RBFOX2: variants seen among roughly 807,000 people sequenced by gnomAD.
RBFOX2 encodes RNA binding fox-1 homolog 2.
A neutral mutation model predicts 49.1 loss-of-function variants in RBFOX2; 10 were observed. The ratio of observed to expected loss-of-function variants is 0.20; its 90% confidence interval spans 0.13 to 0.35. The LOEUF (loss-of-function observed/expected upper bound fraction) is 0.35. Among genes scored for constraint, RBFOX2 ranks in the 10% least tolerant of loss-of-function variants. The pLI, the probability that RBFOX2 is intolerant of heterozygous loss-of-function variation, is 1.00. For missense variants in RBFOX2, 323 were observed against 486.9 expected, an observed-to-expected ratio of 0.66 and a Z score of 3.17; for synonymous variants, 183 against 187.4, an observed-to-expected ratio of 0.98 and a Z score of 0.19.
intron 1 of RBFOX2, among the ~76,000 whole-genome samples, chr22:36,025,980 G>C (rs915453870): frequency 1.3e-5 from 2 of 151,668 alleles, no homozygotes; most frequent in African/African-American, 4.9e-5. Context: ...GGAATGTATA[G>C]AAGGCCGGGT....
At chr22:35,965,481 A>C (rs2056505320), upstream of RBFOX2, among the ~76,000 whole-genome samples, 2 of 152,166 alleles carry the variant, frequency 1.3e-5, no homozygotes, top group South Asian at 2.1e-4. Flanking sequence ...AATGAGGTAC[A>C]TCCTTCTGAA....
chr22:35,980,560 T>C (rs2057405256), intron 1 of RBFOX2, among the ~76,000 whole-genome samples: 1 of 139,178 alleles, frequency 7.2e-6, no homozygotes, highest in Non-Finnish European at 1.5e-5. Context: ...GCCAAATTTA[T>C]CCCCAAAGTA....
At chr22:35,809,648 G>A in intron 2 of RBFOX2, 132 bp downstream of exon 3, 1 of 999,248 alleles carries the variant, frequency 1.0e-6, no homozygotes, top group Non-Finnish European at 1.5e-6. Context: ...CAATGCTGTT[G>A]AGAGAAGGTG....
intron 1 of RBFOX2, among the ~76,000 whole-genome samples, chr22:35,866,786 A>G (rs558172871): frequency 6.6e-6 from 1 of 152,334 alleles, no homozygotes; most frequent in East Asian, 1.9e-4. Flanking sequence ...GAAAACATGC[A>G]GGCTGCCTTA....
At chr22:35,953,323 T>C (rs774695110) in intron 1 of RBFOX2, among the ~76,000 whole-genome samples, 12 of 149,410 alleles carry the variant, frequency 8.0e-5, no homozygotes, top group African/African-American at 1.2e-4. Context: ...CATTCAGTTA[T>C]AAAAAGGAAA....
chr22:35,804,518 C>G (rs191348448), intron 2 of RBFOX2, among the ~76,000 whole-genome samples: 14 of 152,138 alleles, frequency 9.2e-5, no homozygotes, highest in Admixed American at 7.8e-4. Context: ...CAACTCATCA[C>G]CTACAGGGGG....
chr22:35,924,530 T>TACATCAGAG (rs2051398566), intron 1 of RBFOX2, among the ~76,000 whole-genome samples: 1 of 152,248 alleles, frequency 6.6e-6, no homozygotes, highest in Admixed American at 6.5e-5. Context: ...GGCACTCTCT[T>TACATCAGAG]GCTGAACATC....
chr22:36,000,392 T>C (rs931234666), intron 1 of RBFOX2: 9 of 152,218 alleles, frequency 5.9e-5, no homozygotes, highest in African/African-American at 1.9e-4. Context: ...AATAGATCAA[T>C]AGCAATTCCA....
At chr22:35,931,423 G>C (rs1569496862) in intron 1 of RBFOX2, among the ~76,000 whole-genome samples, 1 of 152,134 alleles carries the variant, frequency 6.6e-6, no homozygotes, top group South Asian at 2.1e-4. Flanking sequence ...CTCCAGCTGG[G>C]GGGCCTTAGA....
At chr22:35,977,093 C>T (rs542102007) in intron 1 of RBFOX2, among the ~76,000 whole-genome samples, 1 of 152,024 alleles carries the variant, frequency 6.6e-6, no homozygotes, top group Non-Finnish European at 1.5e-5. Context: ...TGCTAAACAT[C>T]ATTAATATTT....
chr22:35,835,435 T>A (rs1399849388), intron 1 of RBFOX2, among the ~76,000 whole-genome samples: 1 of 152,120 alleles, frequency 6.6e-6, no homozygotes, highest in Admixed American at 6.5e-5. Context: ...GATAAAATTG[T>A]TTACATATGG....
intron 1 of RBFOX2, among the ~76,000 whole-genome samples, chr22:35,954,112 T>C (rs1312471238): frequency 7.2e-5 from 11 of 152,012 alleles, no homozygotes; most frequent in Non-Finnish European, 1.3e-4. Flanking sequence ...TCCCAAAATG[T>C]TTATAGTGGT....
chr22:35,933,953 T>TATATATATATATATATACATAC (rs1009021083), intron 1 of RBFOX2, among the ~76,000 whole-genome samples: 1 of 141,072 alleles, frequency 7.1e-6, no homozygotes, highest in African/African-American at 2.8e-5. Context: ...TATATATATA[T>TATATATATATATATATACATAC]ACACACATCA....
intron 1 of RBFOX2, among the ~76,000 whole-genome samples, chr22:35,819,794 G>A (rs1313139151): frequency 6.6e-6 from 1 of 152,182 alleles, no homozygotes; most frequent in Non-Finnish European, 1.5e-5. Flanking sequence ...TAAACAGATG[G>A]TATGCTACAG....
intron 1 of RBFOX2, among the ~76,000 whole-genome samples, chr22:35,934,542 G>A (rs1039303247): frequency 6.6e-6 from 1 of 152,132 alleles, no homozygotes; most frequent in Non-Finnish European, 1.5e-5. Context: ...GAATGCTAAA[G>A]TTTATATGGT....
chr22:36,021,647 C>T (rs1320431040), intron 1 of RBFOX2, among the ~76,000 whole-genome samples: 3 of 152,204 alleles, frequency 2.0e-5, no homozygotes, highest in Non-Finnish European at 4.4e-5. Flanking sequence ...GTCCCTAAGA[C>T]AATGTTTGAA....
chr22:35,991,973 T>C (rs1453401260), intron 1 of RBFOX2, among the ~76,000 whole-genome samples: 4 of 152,208 alleles, frequency 2.6e-5, no homozygotes, highest in African/African-American at 9.7e-5. Flanking sequence ...TCATTAGTTC[T>C]CACAACTCTG....
intron 1 of RBFOX2, chr22:35,898,033 T>C (rs757401072): frequency 1.5e-4 from 110 of 726,138 alleles, no homozygotes; most frequent in Non-Finnish European, 2.3e-4. Flanking sequence ...TATGACCACA[T>C]TGCTGTGTTC....
chr22:35,902,486 T>C (rs923271751), intron 1 of RBFOX2, among the ~76,000 whole-genome samples: 4 of 152,178 alleles, frequency 2.6e-5, no homozygotes, highest in East Asian at 3.8e-4. Flanking sequence ...TATATATTCA[T>C]GATCACAAAC....
Sources: allele counts gnomAD v4.1 joint callset (sites outside exome capture counted in the v4.1 genomes callset), GRCh38; gene constraint gnomAD v4.1.1; transcripts MANE v1.5; gene names NCBI Gene and HGNC (gene_info 2026-07-23, HGNC 2026-07-21).